KLRG1: variants seen among roughly 807,000 people sequenced by gnomAD.
KLRG1 encodes the protein killer cell lectin-like receptor subfamily G member 1.
A neutral mutation model predicts 21.8 loss-of-function variants in KLRG1; 16 were observed. That is an observed-to-expected ratio of 0.73 (90% CI 0.50 to 1.11). The LOEUF (loss-of-function observed/expected upper bound fraction) is 1.11, where lower values mean the gene tolerates loss of function less well. Among genes scored for constraint, KLRG1 ranks in the 50% most tolerant of loss-of-function variants. The probability of loss-of-function intolerance (pLI) is 0.00; values close to 1 mark genes in which losing one functional copy is unlikely to be tolerated. For missense variants in KLRG1, 173 were observed against 218.3 expected, an observed-to-expected ratio of 0.79 and a Z score of 1.31; for synonymous variants, 69 against 75.9, an observed-to-expected ratio of 0.91 and a Z score of 0.47.
the KLRG1 span, among the ~76,000 whole-genome samples, chr12:9,075,376 G>A: frequency 6.6e-6 from 1 of 152,072 alleles, no homozygotes; most frequent in Non-Finnish European, 1.5e-5. Context: ...GCATAATTTG[G>A]AGAAACACAG....
the KLRG1 span, chr12:9,192,829 C>G: frequency 1.1e-6 from 1 of 872,892 alleles, no homozygotes; most frequent in Non-Finnish European, 1.8e-6. Context: ...ACGGTGTCTT[C>G]CACTCTAAAA....
chr12:9,009,538 T>C lies in KLRG1; in HGVS notation c.*1T>C, dbSNP rs138973555. On this transcript the variant is annotated 3_prime_UTR_variant, in exon 5 of 5. Coordinates refer to ENST00000356986, the MANE Select transcript of KLRG1 (RefSeq NM_005810.4). Reference sequence around the variant, plus strand: ...GGTGTGTAAGAAGGTCAGACTTTGATAGATGACCACTCTGTCCTGACCCTC... The same window carrying C: ...GGTGTGTAAGAAGGTCAGACTTTGACAGATGACCACTCTGTCCTGACCCTC... 1,089 of 1,613,616 alleles carry C rather than the reference T, an allele frequency of 6.7e-4. No individual in the cohort carries two copies. Among genetic ancestry groups the C allele is most frequent in the Non-Finnish European group, 8.5e-4 (1,007 of 1,179,820 alleles).
chr12:9,014,365 A>G (rs866500253), downstream of KLRG1, among the ~76,000 whole-genome samples: 6 of 152,240 alleles, frequency 3.9e-5, no homozygotes, highest in Non-Finnish European at 7.3e-5. Flanking sequence ...AGCAAGAAAA[A>G]AGAAACAAAT....
the KLRG1 span, among the ~76,000 whole-genome samples, chr12:9,114,872 A>T: frequency 4.3e-3 from 661 of 152,322 alleles, 8 homozygotes; most frequent in African/African-American, 0.015. Context: ...TATATAACTG[A>T]TCAAAACAAA....
At chr12:8,965,779 T>G (rs768844846) in intron 1 of KLRG1, among the ~76,000 whole-genome samples, 4 of 152,180 alleles carry the variant, frequency 2.6e-5, no homozygotes, top group African/African-American at 9.7e-5. Flanking sequence ...AATTTATAGA[T>G]TCAATGCCAT....
the KLRG1 span, chr12:9,115,984 C>A: frequency 1.1e-5 from 8 of 743,774 alleles, no homozygotes; most frequent in East Asian, 2.2e-4. Flanking sequence ...TCCACCCACA[C>A]AAGATCTCTA....
At chr12:9,113,604 C>T in the KLRG1 span, 2 of 1,454,170 alleles carry the variant, frequency 1.4e-6, no homozygotes, top group Non-Finnish European at 1.9e-6. Flanking sequence ...CTATCAACAG[C>T]ACTTTTTTCC....
the KLRG1 span, among the ~76,000 whole-genome samples, chr12:9,207,884 G>C: frequency 2.2e-4 from 34 of 152,042 alleles, no homozygotes; most frequent in Non-Finnish European, 7.4e-5. Context: ...AAATAAAGGA[G>C]CTATACTTTC....
chr12:8,983,667 G>A (rs2110191), intron 1 of KLRG1, among the ~76,000 whole-genome samples: 54,544 of 151,850 alleles, frequency 0.36, 10,871 homozygotes, highest in Non-Finnish European at 0.44. Context: ...TCCTAAAGTG[G>A]TGGGATTACA....
chr12:9,139,995 T>C, the KLRG1 span, among the ~76,000 whole-genome samples: 1 of 152,134 alleles, frequency 6.6e-6, no homozygotes, highest in Non-Finnish European at 1.5e-5. Flanking sequence ...GGGGAGGTTA[T>C]CTTGGGGCTG....
At chr12:9,195,611 ATTTTTTTTTT>A in the KLRG1 span, among the ~76,000 whole-genome samples, 2 of 104,248 alleles carry the variant, frequency 1.9e-5, no homozygotes, top group African/African-American at 7.3e-5. Context: ...CCCACTGCTA[ATTTTTTTTTT>A]TTTTTTTTTT....
chr12:9,196,811 G>C, the KLRG1 span: 1 of 828,002 alleles, frequency 1.2e-6, no homozygotes. Flanking sequence ...TGACCTTCGA[G>C]AACTTAATAC....
chr12:9,065,695 C>T, the KLRG1 span: 1 of 152,324 alleles, frequency 6.6e-6, no homozygotes. Flanking sequence ...GTCCCACCCT[C>T]AAGCTGGTGA....
rs756269623 is a variant in KLRG1, at chr12:8,954,366, T to C, written c.-156+4130T>C. The stretch of plus-strand genomic sequence containing the variant: ...TGTGTAACATAAGGACTATAGTTAA[T>C]ATTGTATTGTATACTGGTACTTTGC... On this transcript the variant is annotated intron_variant, in intron 1 of 4. Coordinates refer to the KLRG1 transcript ENST00000539240. Among the ~76,000 whole-genome samples the C allele has an allele frequency of 4.6e-5, 7 of 152,054 alleles. No homozygotes were observed. In the South Asian group the frequency reaches 1.5e-3, roughly 32 times the overall value.
upstream of KLRG1, chr12:8,989,444 A>G (rs1946903099): frequency 1.9e-6 from 1 of 512,892 alleles, no homozygotes; most frequent in Non-Finnish European, 3.4e-6. Flanking sequence ...ATGGGGCAAA[A>G]AAATAGCAAC....
chr12:9,195,788 A>G, the KLRG1 span, among the ~76,000 whole-genome samples: 101 of 151,580 alleles, frequency 6.7e-4, no homozygotes, highest in African/African-American at 2.4e-3. Flanking sequence ...AAACAGGTAA[A>G]ATTAATTATC....
At chr12:9,026,619 A>G in the KLRG1 span, among the ~76,000 whole-genome samples, 1 of 151,962 alleles carries the variant, frequency 6.6e-6, no homozygotes. Flanking sequence ...AGTTATTTGT[A>G]TTTCCTCTGA....
the KLRG1 span, chr12:9,154,642 C>A: frequency 1.2e-5 from 20 of 1,614,142 alleles, no homozygotes; most frequent in Non-Finnish European, 1.6e-5. Context: ...CCACCTTGGG[C>A]GTTCTGCTGC....
chr12:9,192,891 A>C, the KLRG1 span: 1 of 557,534 alleles, frequency 1.8e-6, no homozygotes, highest in Non-Finnish European at 3.1e-6. Context: ...ATGAATTTTC[A>C]GTCTCCCAAC....
Sources: gnomAD v4.1 joint callset for allele counts (sites outside exome capture counted in the v4.1 genomes callset) on GRCh38, gnomAD v4.1.1 for gene constraint, MANE v1.5 for transcripts, NCBI Gene and HGNC (gene_info 2026-07-23, HGNC 2026-07-21) for gene names.